KPNA6: variants seen among roughly 807,000 people sequenced by gnomAD.
The protein encoded by KPNA6 is karyopherin subunit alpha 6.
Under a neutral mutation model 72.0 loss-of-function variants are expected in KPNA6, and 9 were observed. That is an observed-to-expected ratio of 0.13 (90% CI 0.08 to 0.22). KPNA6 has a LOEUF of 0.22. KPNA6 is among the 10% of genes least tolerant of loss of function. KPNA6 has a pLI of 1.00. For missense variants in KPNA6, 374 were observed against 655.7 expected (o/e 0.57, Z 4.69); for synonymous variants, 219 against 242.1 (o/e 0.90, Z 0.89).
At chr1:32,151,334 C>G (rs1642029070) in intron 1 of KPNA6, among the ~76,000 whole-genome samples, 2 of 152,148 alleles carry the variant, frequency 1.3e-5, no homozygotes, top group Non-Finnish European at 2.9e-5. Flanking sequence ...AATCCCCATT[C>G]AGATTTGTCT....
At chr1:32,160,299 C>CAAAAAAAA (rs535456428) in intron 6 of KPNA6, among the ~76,000 whole-genome samples, 1 of 77,364 alleles carries the variant, frequency 1.3e-5, no homozygotes. Context: ...GACTCCGTCT[C>CAAAAAAAA]AAAAAAAAAA....
intron 10 of KPNA6, among the ~76,000 whole-genome samples, chr1:32,163,730 G>C (rs1642283096): frequency 6.6e-6 from 1 of 152,128 alleles, no homozygotes. Context: ...TAACCCTTCT[G>C]GTGAAGGCAT....
chr1:32,124,933 C>T (rs1223658378), intron 1 of KPNA6, among the ~76,000 whole-genome samples: 2 of 152,186 alleles, frequency 1.3e-5, no homozygotes, highest in Non-Finnish European at 1.5e-5. Flanking sequence ...CAACCTCCAC[C>T]TCCCAGGTTC....
intron 1 of KPNA6, among the ~76,000 whole-genome samples, chr1:32,117,717 C>A (rs1641353426): frequency 1.3e-5 from 2 of 152,012 alleles, no homozygotes; most frequent in East Asian, 3.9e-4. Context: ...TCATTTAATT[C>A]TCAGATTCTC....
intron 13 of KPNA6, among the ~76,000 whole-genome samples, chr1:32,170,392 G>C (rs1642414242): frequency 6.6e-6 from 1 of 152,124 alleles, no homozygotes; most frequent in African/African-American, 2.4e-5. Flanking sequence ...TTTCTGATAG[G>C]CTGTACCTAT....
Position 32,166,229 on chromosome 1 carries a change from A to G in KPNA6, c.1115A>G (p.Gln372Arg). ...ACTGCTGGCAACAGGGCTCAAATAC[A>G]GGTAAAACAGGCAGGGAAGTCAAGG... The part of the protein sequence containing the change: ...NITAGNRAQI[Q>R]AVIDANIFPV... The change falls in exon 11 of 14, where the codon CAG becomes CGG. Residue 372 changes from glutamine to arginine, a missense_variant and splice_region_variant. Physicochemically the swap from Gln to Arg is conservative, Grantham distance 43. Transcript: ENST00000373625. 1 of 1,611,132 alleles carries G rather than the reference A, an allele frequency of 6.2e-7. No homozygotes were observed. The highest frequency in any genetic ancestry group is 1.1e-5 in the South Asian group (1 of 90,272).
chr1:32,130,718 G>A (rs1014859739), intron 1 of KPNA6, among the ~76,000 whole-genome samples: 1 of 151,356 alleles, frequency 6.6e-6, no homozygotes, highest in African/African-American at 2.4e-5. Context: ...CCCCAAGATG[G>A]CACCACTGCA....
intron 9 of KPNA6, 31 bp from the exon 10 acceptor site, chr1:32,163,204 G>A (rs779371377): frequency 2.6e-5 from 39 of 1,486,438 alleles, no homozygotes; most frequent in Middle Eastern, 1.7e-4. Flanking sequence ...ATGGTGTGCT[G>A]GCCTTCTGAT....
rs181170354 is a variant in KPNA6 at position 32,161,980 on chromosome 1, A to G, written c.681A>G (p.Thr227=). The change falls in exon 8 of 14, where the codon ACA becomes ACG. Residue 227 remains threonine (T), a synonymous_variant. Coordinates refer to ENST00000373625, the MANE Select transcript of KPNA6 (RefSeq NM_012316.5). The part of the protein sequence containing the change: ...LLTKSTRLTM[T]RNAVWALSNL... Reference sequence around the variant, plus strand: ...CCAAGTCCACACGACTGACGATGACACGGAATGCAGTCTGGGCCCTGTCAA... The same window carrying G: ...CCAAGTCCACACGACTGACGATGACGCGGAATGCAGTCTGGGCCCTGTCAA... The G allele has an allele frequency of 1.9e-6, 3 of 1,614,098 alleles. No individual in the cohort carries two copies. The highest frequency in any genetic ancestry group is 3.3e-5 in the Admixed American group (2 of 60,002).
Position 32,163,325 on chromosome 1 carries a change from G to A in KPNA6, c.990+12G>A, listed in dbSNP as rs559590285. On this transcript the variant is annotated intron_variant, in intron 10 of 13. Transcript: ENST00000373625. ...ACATCCAGACCCAGGTAAGAAAGAG[G>A]AGGGTGCAGGATCTTAGACCAGCTA... 7.8e-5 allele frequency: 125 copies of A among 1,595,546 alleles called. 1 individual carries two copies. In the South Asian group the frequency reaches 1.3e-3, roughly 17 times the overall value.
chr1:32,112,120 A>AG (rs1641252236), intron 1 of KPNA6, among the ~76,000 whole-genome samples: 1 of 152,186 alleles, frequency 6.6e-6, no homozygotes. Flanking sequence ...AAGCCTGGGG[A>AG]ACTTGTGGAG....
chr1:32,163,138 G>C (rs967691969), intron 9 of KPNA6, 97 bp from the exon 10 acceptor site: 1 of 762,524 alleles, frequency 1.3e-6, no homozygotes, highest in Admixed American at 2.2e-5. Context: ...AAAGGGTACA[G>C]GTTCCTTAAG....
At chr1:32,152,722 G>A (rs1262183608) in intron 1 of KPNA6, among the ~76,000 whole-genome samples, 4 of 152,094 alleles carry the variant, frequency 2.6e-5, no homozygotes, top group African/African-American at 7.2e-5. Context: ...GCGGGCGCCT[G>A]TAGTCCCAGC....
At chr1:32,166,938 A>AAAAT (rs745794710) in intron 11 of KPNA6, among the ~76,000 whole-genome samples, 59 of 152,200 alleles carry the variant, frequency 3.9e-4, no homozygotes, top group African/African-American at 7.0e-4. Flanking sequence ...ACTGTCTCAG[A>AAAAT]AAATAAATAA....
intron 1 of KPNA6, among the ~76,000 whole-genome samples, chr1:32,116,920 C>G (rs1034452690): frequency 1.3e-5 from 2 of 152,096 alleles, no homozygotes; most frequent in East Asian, 3.9e-4. Flanking sequence ...GTGGAGCAGT[C>G]AGATCATACA....
Position 32,163,255 on chromosome 1 carries a change from C to T in KPNA6, c.932C>T (p.Ala311Val), listed in dbSNP as rs1642274389. ...ELLMHNDYKVASPALRAVGNI... is the reference protein window; with the variant it reads ...ELLMHNDYKVVSPALRAVGNI... ...TGTAGGCACAATGATTACAAAGTGGCTTCTCCTGCCCTGAGAGCCGTGGGT... is the reference window on the plus strand; with the variant it reads ...TGTAGGCACAATGATTACAAAGTGGTTTCTCCTGCCCTGAGAGCCGTGGGT... Residue 311 changes from alanine to valine, a missense_variant, in exon 10 of 14, where the codon GCT (alanine) becomes GTT (valine). Ala to Val is a moderately conservative substitution (Grantham distance 64). Transcript: ENST00000373625. 1.2e-6 allele frequency: 2 copies of T among 1,613,166 alleles called. No individual in the cohort carries two copies. The highest frequency in any genetic ancestry group is 1.3e-5 in the African/African-American group (1 of 74,908).
intron 1 of KPNA6, among the ~76,000 whole-genome samples, chr1:32,122,197 C>G (rs958493277): frequency 6.6e-6 from 1 of 151,950 alleles, no homozygotes; most frequent in African/African-American, 2.4e-5. Context: ...TCGCTTGAAC[C>G]CAAGAGGCAG....
intron 1 of KPNA6, among the ~76,000 whole-genome samples, chr1:32,136,481 A>G (rs988348803): frequency 2.0e-5 from 3 of 152,084 alleles, no homozygotes; most frequent in African/African-American, 7.2e-5. Context: ...CTTCTCTTGA[A>G]AATCTGATCT....
At chr1:32,109,081 G>A (rs1376700921) in intron 1 of KPNA6, among the ~76,000 whole-genome samples, 1 of 152,188 alleles carries the variant, frequency 6.6e-6, no homozygotes, top group Non-Finnish European at 1.5e-5. Flanking sequence ...TACAGATGTG[G>A]AAGCTGAGCT....
Sources: allele counts gnomAD v4.1 joint callset (sites outside exome capture counted in the v4.1 genomes callset), GRCh38; gene constraint gnomAD v4.1.1; transcripts MANE v1.5; gene names NCBI Gene and HGNC (gene_info 2026-07-23, HGNC 2026-07-21).